DENND1A: variants seen among roughly 807,000 people sequenced by gnomAD.
The protein encoded by DENND1A is DENN domain-containing protein 1A.
In DENND1A, 51 loss-of-function variants were observed where a neutral mutation model predicts 113.7. The ratio of observed to expected loss-of-function variants is 0.45; its 90% CI spans 0.36 to 0.57. The LOEUF is 0.57. DENND1A is among the 20% of genes least tolerant of loss of function. The pLI is 0.00. For synonymous variants in DENND1A, 565 were observed against 570.8 expected (o/e 0.99, Z 0.14); for missense variants, 1,258 against 1,395.9 (o/e 0.90, Z 1.57).
intron 2 of DENND1A, among the ~76,000 whole-genome samples, chr9:123,876,092 TAA>T (rs1847417389): frequency 6.6e-6 from 1 of 152,210 alleles, no homozygotes; most frequent in South Asian, 2.1e-4. Context: ...GAAAAATACA[TAA>T]CACTTTTGAG....
intron 5 of DENND1A, among the ~76,000 whole-genome samples, chr9:123,734,080 C>A (rs1398830682): frequency 6.6e-6 from 1 of 152,150 alleles, no homozygotes; most frequent in Non-Finnish European, 1.5e-5. Context: ...GTGATCCTCC[C>A]ACCTCAGTCT....
chr9:123,730,614 A>T (rs572637682), intron 5 of DENND1A, among the ~76,000 whole-genome samples: 1 of 152,288 alleles, frequency 6.6e-6, no homozygotes, highest in East Asian at 1.9e-4. Flanking sequence ...CAACAGATGC[A>T]GGAGAGGATG....
chr9:123,810,053 T>G (rs530066914), intron 2 of DENND1A, among the ~76,000 whole-genome samples: 1 of 152,226 alleles, frequency 6.6e-6, no homozygotes, highest in East Asian at 1.9e-4. Context: ...TCTGGAGGGG[T>G]TTCCTCCCTC....
chr9:123,620,073 G>T (rs992139119), intron 10 of DENND1A, among the ~76,000 whole-genome samples: 2 of 151,778 alleles, frequency 1.3e-5, no homozygotes, highest in Non-Finnish European at 2.9e-5. Flanking sequence ...AATTAGCTGG[G>T]TGTGGTGGCG....
rs775555890 is a variant in DENND1A at position 123,440,385 on chromosome 9, C to T, written c.1463G>A (p.Arg488Gln). Reference protein sequence around the residue: ...AKDPKLREDRRPITVHFGQLQ... With the variant: ...AKDPKLREDRQPITVHFGQLQ... Reference sequence around the variant, plus strand: ...CTGTCCAAAGTGGACTGTGATTGGCCGCCGGTCTTCTCGGAGCTTGGGGTC... The same window carrying T: ...CTGTCCAAAGTGGACTGTGATTGGCTGCCGGTCTTCTCGGAGCTTGGGGTC... Residue 488 changes from arginine to glutamine, a missense_variant, in exon 19 of 24, where the codon CGG becomes CAG. Transcript: ENST00000394215. 1.4e-5 allele frequency: 23 copies of T among 1,600,986 alleles called. No homozygotes were observed. The highest frequency in any genetic ancestry group is 1.1e-4 in the African/African-American group (8 of 73,268).
At chr9:123,408,348 G>A (rs796070995) in intron 20 of DENND1A, among the ~76,000 whole-genome samples, 4 of 152,326 alleles carry the variant, frequency 2.6e-5, no homozygotes, top group East Asian at 3.9e-4. Flanking sequence ...GGCCCAGAAA[G>A]CACAAATCTT....
At chr9:123,710,280 A>C (rs1198279009) in intron 5 of DENND1A, among the ~76,000 whole-genome samples, 1 of 152,216 alleles carries the variant, frequency 6.6e-6, no homozygotes, top group East Asian at 1.9e-4. Context: ...GGGCTTTTGC[A>C]TGTCCTGTTT....
intron 19 of DENND1A, among the ~76,000 whole-genome samples, chr9:123,426,287 A>T (rs1012212420): frequency 1.3e-5 from 2 of 152,156 alleles, no homozygotes; most frequent in African/African-American, 4.8e-5. Context: ...TCTGATACCC[A>T]TTGTGCCTCA....
At chr9:123,597,321 G>T (rs2059740697) in intron 11 of DENND1A, among the ~76,000 whole-genome samples, 1 of 152,158 alleles carries the variant, frequency 6.6e-6, no homozygotes, top group South Asian at 2.1e-4. Context: ...CGGTGAAAAG[G>T]AACACTTTAA....
At chr9:123,897,372 T>C (rs949998139) in intron 1 of DENND1A, among the ~76,000 whole-genome samples, 1 of 152,054 alleles carries the variant, frequency 6.6e-6, no homozygotes, top group East Asian at 1.9e-4. Context: ...GCTCAAGAAG[T>C]AGAAAAGAGG....
At chr9:123,629,305 T>C (rs2061376130) in intron 10 of DENND1A, among the ~76,000 whole-genome samples, 1 of 152,236 alleles carries the variant, frequency 6.6e-6, no homozygotes, top group Non-Finnish European at 1.5e-5. Flanking sequence ...CCTTTCCCTG[T>C]CTGTGTACCA....
At position 123,381,912 on chromosome 9, in the gene DENND1A, T is replaced by C; in HGVS notation, c.2733A>G (p.Thr911=). The change falls in exon 24 of 24, where the codon ACA becomes ACG. Residue 911 remains threonine, a synonymous_variant. Coordinates refer to ENST00000394215, the MANE Select transcript of DENND1A (RefSeq NM_001352964.2). This position sits in a 1 kb window ranked among gnomAD's most constrained non-coding sequence, Gnocchi z 4.7. ...AAPPTLPLVS[T]PAGPFGAPPA... ...GAGGGGCCCCGAAAGGCCCGGCTGG[T>C]GTGGAGACCAGGGGCAGGGTGGGTG... 1.0e-6 allele frequency: 1 copy of C among 971,762 alleles called. No homozygotes were observed. The highest frequency in any genetic ancestry group is 1.3e-6 in the Non-Finnish European group (1 of 777,920). 60.2% of individuals were successfully genotyped at this position (971,762 alleles called of 1,614,324 possible). A position where few individuals can be genotyped will look rare whatever the true frequency, so the allele number is the denominator to read the frequency against.
rs894192251 is a variant in DENND1A at position 123,728,431 on chromosome 9, C to T, written c.302+29272G>A. 1.3e-4 allele frequency among the ~76,000 whole-genome samples: 17 copies of T among 130,958 alleles called. No individual in the cohort carries two copies. The Admixed American group carries it at 1.5e-3, about 11-fold the overall frequency. 85.9% of individuals were successfully genotyped at this position (130,958 alleles called of 152,430 possible). ...GGCAGAGGTTACAGTGAGCCGAGAT[C>T]GTGCCATTGCACTCCTGCCTGGGCA... On this transcript the variant is annotated intron_variant, in intron 5 of 23. Coordinates refer to ENST00000394215, the MANE Select transcript of DENND1A (RefSeq NM_001352964.2).
At chr9:123,479,882 G>A (rs1244192242) in intron 13 of DENND1A, among the ~76,000 whole-genome samples, 1 of 152,206 alleles carries the variant, frequency 6.6e-6, no homozygotes, top group Admixed American at 6.5e-5. Context: ...CTGGCCAGGG[G>A]ACTGTCAAAA....
In DENND1A at chr9:123,427,529, A is replaced by G. The variant is rs149962590; in HGVS notation, c.1488+12831T>C. Among the ~76,000 whole-genome samples the G allele has an allele frequency of 1.5e-3, 221 of 151,618 alleles. 3 individuals are homozygous for G. Among genetic ancestry groups the G allele is most frequent in the Middle Eastern group, 6.8e-3 (2 of 294 alleles). ...GCCATTTCTCTTCTGTCCCTCCTCTATCTGGTGCCCTGGTTAATGTCTGAC... is the reference window on the plus strand; with the variant it reads ...GCCATTTCTCTTCTGTCCCTCCTCTGTCTGGTGCCCTGGTTAATGTCTGAC... On this transcript the variant is annotated intron_variant, in intron 19 of 23. Coordinates refer to ENST00000394215, the MANE Select transcript of DENND1A (RefSeq NM_001352964.2).
Position 123,710,024 on chromosome 9 carries a change from G to A in DENND1A, c.303-33235C>T, listed in dbSNP as rs188367957. 4.7e-4 allele frequency among the ~76,000 whole-genome samples: 71 copies of A among 152,252 alleles called. No homozygotes were observed. The Middle Eastern group carries it at 0.014, about 29-fold the overall frequency. On this transcript the variant is annotated intron_variant, in intron 5 of 23. Transcript: ENST00000394215. ...AATAACTTTCTCACAATAGCCAAGT[G>A]GTAGCAAGTGGTAGAACTAGTATTT...
At chr9:123,679,821 CCAAAGACAGAAA>C (rs2064325265) in intron 5 of DENND1A, among the ~76,000 whole-genome samples, 1 of 152,186 alleles carries the variant, frequency 6.6e-6, no homozygotes, top group African/African-American at 2.4e-5. Flanking sequence ...CCTTCCCAGT[CCAAAGACAGAAA>C]CAAACACTCT....
intron 13 of DENND1A, among the ~76,000 whole-genome samples, chr9:123,535,519 C>T (rs777016401): frequency 7.2e-5 from 11 of 152,230 alleles, no homozygotes; most frequent in Non-Finnish European, 1.6e-4. Context: ...CTGCCTCTCT[C>T]GGCCTCTGTC....
At chr9:123,902,643 T>A (rs1851866993) in intron 1 of DENND1A, among the ~76,000 whole-genome samples, 2 of 151,964 alleles carry the variant, frequency 1.3e-5, no homozygotes, top group East Asian at 3.9e-4. Flanking sequence ...GAGAAAAGCA[T>A]CATCATCTCT....
Sources: gnomAD v4.1 joint callset for allele counts (sites outside exome capture counted in the v4.1 genomes callset) on GRCh38, gnomAD v4.1.1 for gene constraint, Gnocchi (gnomAD v3.1) non-coding constraint, MANE v1.5 for transcripts, NCBI Gene and HGNC (gene_info 2026-07-23, HGNC 2026-07-21) for gene names.